MAPKAPK3: variants seen among roughly 807,000 people sequenced by gnomAD.
MAPKAPK3 encodes the protein MAP kinase-activated protein kinase 3.
MAPKAPK3 carries 35 observed loss-of-function variants against 49.2 expected under a neutral mutation model. The observed-to-expected ratio is 0.71, with a 90% CI of 0.54 to 0.94. The LOEUF (loss-of-function observed/expected upper bound fraction) is 0.94, where lower values mean the gene tolerates loss of function less well. MAPKAPK3 is among the 40% of genes least tolerant of loss of function. MAPKAPK3 has a pLI of 0.00. For missense variants in MAPKAPK3, 398 were observed against 493.1 expected (o/e 0.81, Z 1.83); for synonymous variants, 178 against 188.7 (o/e 0.94, Z 0.46).
chr3:50,645,613 C>T, intron 6 of MAPKAPK3, 97 bp from the exon 7 acceptor site: 1 of 907,998 alleles, frequency 1.1e-6, no homozygotes, highest in Non-Finnish European at 1.8e-6. Flanking sequence ...ACCTCCCAGC[C>T]CAGGTACCTG....
At chr3:50,641,851 G>T (rs1249939225) in intron 4 of MAPKAPK3, 80 bp downstream of exon 4, 1 of 1,207,508 alleles carries the variant, frequency 8.3e-7, no homozygotes, top group African/African-American at 1.5e-5. Flanking sequence ...TGCTAGGCAA[G>T]ACCCTGTTCC....
At chr3:50,629,606 G>A (rs1017270350) in intron 2 of MAPKAPK3, among the ~76,000 whole-genome samples, 1 of 152,198 alleles carries the variant, frequency 6.6e-6, no homozygotes, top group Admixed American at 6.5e-5. Context: ...GGGGAGTTGG[G>A]AATAGACCTG....
chr3:50,623,606 A>G (rs886610153), intron 2 of MAPKAPK3, among the ~76,000 whole-genome samples: 1 of 152,218 alleles, frequency 6.6e-6, no homozygotes, highest in East Asian at 1.9e-4. Flanking sequence ...GGCCCTGTCC[A>G]CAGTGCACAA....
In MAPKAPK3 at chr3:50,617,637, G is replaced by A. The variant is rs763591183; in HGVS notation, c.72G>A (p.Leu24=). Residue 24 remains leucine (L), a synonymous_variant, in exon 2 of 11, where the codon TTG becomes TTA. Coordinates refer to ENST00000621469, the MANE Select transcript of MAPKAPK3 (RefSeq NM_001243925.2). ...PPPVAPGGPG[L]GGAPGGRREP... ...CAGTTGCACCCGGCGGACCCGGCTT[G>A]GGCGGTGCTCCGGGGGGGCGGCGGG... is the stretch of plus-strand genomic sequence containing the variant. 6.2e-7 allele frequency: 1 copy of A among 1,609,366 alleles called. No homozygotes were observed. The highest frequency in any genetic ancestry group is 1.7e-5 in the Admixed American group (1 of 60,028).
intron 2 of MAPKAPK3, among the ~76,000 whole-genome samples, chr3:50,636,627 A>T (rs548248731): frequency 6.6e-6 from 1 of 152,230 alleles, no homozygotes; most frequent in Non-Finnish European, 1.5e-5. Flanking sequence ...TATGTCAATT[A>T]TACCTCAATA....
intron 2 of MAPKAPK3, among the ~76,000 whole-genome samples, chr3:50,630,863 T>A (rs1373233557): frequency 6.6e-6 from 1 of 152,234 alleles, no homozygotes; most frequent in East Asian, 1.9e-4. Flanking sequence ...CTGCTGATCC[T>A]TGTTGGGTTA....
chr3:50,641,685 C>T (rs770133992), intron 3 of MAPKAPK3, 22 bp from the exon 4 acceptor site: 14 of 1,608,324 alleles, frequency 8.7e-6, no homozygotes, highest in Non-Finnish European at 1.2e-5. Flanking sequence ...CCCCTCTCTG[C>T]TTATAGTCAC....
rs2032508212 is a variant in MAPKAPK3 at position 50,617,718 on chromosome 3, C to T, written c.153C>T (p.Gly51=). 1 of 1,613,538 alleles carries T rather than the reference C, an allele frequency of 6.2e-7. No homozygotes were observed. The highest frequency in any genetic ancestry group is 8.5e-7 in the Non-Finnish European group (1 of 1,180,006). The change falls in exon 2 of 11, where the codon GGC becomes GGT. Residue 51 remains glycine (G), a synonymous_variant. Transcript: ENST00000621469. ...ACCAGTTGTCCAAGCAGGTGCTGGG[C>T]CTGGGTGTGAACGGCAAAGTGCTGG... is the stretch of plus-strand genomic sequence containing the variant. The part of the protein sequence containing the change: ...DDYQLSKQVL[G]LGVNGKVLEC...
intron 2 of MAPKAPK3, among the ~76,000 whole-genome samples, chr3:50,629,085 G>A (rs1357568988): frequency 5.3e-5 from 8 of 152,032 alleles, no homozygotes; most frequent in South Asian, 2.1e-4. Context: ...CCCCAGGGTC[G>A]CTCCCCTAAG....
chr3:50,639,764 T>C (rs895774063), intron 2 of MAPKAPK3, among the ~76,000 whole-genome samples: 1 of 152,136 alleles, frequency 6.6e-6, no homozygotes, highest in Non-Finnish European at 1.5e-5. Flanking sequence ...TGCTGAGTCC[T>C]GTAGGGCAGA....
rs1289729603 is a variant in MAPKAPK3 at position 50,635,423 on chromosome 3, T to C, written c.220-4943T>C. On this transcript the variant is annotated intron_variant, in intron 2 of 10. Coordinates refer to ENST00000621469, the MANE Select transcript of MAPKAPK3 (RefSeq NM_001243925.2). ...AATTTAATCTTTTTTTTTTTTTTTT[T>C]TTTTTTTTTTTTGAGATGGAGTTTC... is the stretch of plus-strand genomic sequence containing the variant. 9.4e-5 allele frequency among the ~76,000 whole-genome samples: 13 copies of C among 138,340 alleles called. No homozygotes were observed. The East Asian group carries it at 2.8e-3, about 29-fold the overall frequency. 90.8% of individuals were successfully genotyped at this position (138,340 alleles called of 152,430 possible).
At chr3:50,615,331 G>A (rs2032437625), upstream of MAPKAPK3, among the ~76,000 whole-genome samples, 2 of 152,212 alleles carry the variant, frequency 1.3e-5, no homozygotes, top group Non-Finnish European at 2.9e-5. Context: ...GTGCACATGT[G>A]CATGTGTATC....
rs142259689 is a variant in MAPKAPK3 at position 50,634,701 on chromosome 3, G to A, written c.220-5665G>A. Among the ~76,000 whole-genome samples the A allele has an allele frequency of 6.6e-3, 998 of 152,222 alleles. 6 individuals carry two copies. Among genetic ancestry groups the A allele is most frequent in the African/African-American group, 0.022 (933 of 41,514 alleles). On this transcript the variant is annotated intron_variant, in intron 2 of 10. Coordinates refer to ENST00000621469, the MANE Select transcript of MAPKAPK3 (RefSeq NM_001243925.2). Reference sequence around the variant, plus strand: ...AGATGGGGTTTCACCATGTTGGCCAGGTTGGTCTCAAACTCCTGACCTCAG... The same window carrying A: ...AGATGGGGTTTCACCATGTTGGCCAAGTTGGTCTCAAACTCCTGACCTCAG...
chr3:50,626,653 G>T (rs2032753135), intron 2 of MAPKAPK3, among the ~76,000 whole-genome samples: 1 of 152,210 alleles, frequency 6.6e-6, no homozygotes, highest in Non-Finnish European at 1.5e-5. Context: ...GGGGCAGGGG[G>T]ATGGCAATAA....
intron 3 of MAPKAPK3, 67 bp downstream of exon 3, chr3:50,640,572 C>T (rs2033156780): frequency 6.7e-7 from 1 of 1,500,224 alleles, no homozygotes; most frequent in Non-Finnish European, 8.9e-7. Flanking sequence ...CCCTGCCACG[C>T]TTCTAGGGGC....
At chr3:50,624,870 T>C (rs1194196695) in intron 2 of MAPKAPK3, among the ~76,000 whole-genome samples, 1 of 152,226 alleles carries the variant, frequency 6.6e-6, no homozygotes, top group Admixed American at 6.5e-5. Context: ...AAGCGCTTCC[T>C]GGAGAGCTGG....
At chr3:50,624,473 G>T (rs2032686369) in intron 2 of MAPKAPK3, among the ~76,000 whole-genome samples, 1 of 152,204 alleles carries the variant, frequency 6.6e-6, no homozygotes, top group Non-Finnish European at 1.5e-5. Context: ...AGGACCAGAG[G>T]AATCTGTGGA....
intron 6 of MAPKAPK3, 24 bp from the exon 7 acceptor site, chr3:50,645,686 C>T (rs756112827): frequency 1.9e-6 from 3 of 1,606,746 alleles, no homozygotes; most frequent in South Asian, 2.2e-5. Context: ...GTCTGAGAGC[C>T]CTGCTGTCCC....
chr3:50,640,341 A>G lies in MAPKAPK3; in HGVS notation c.220-25A>G, dbSNP rs1371206592. 2.5e-6 allele frequency: 4 copies of G among 1,604,872 alleles called. No homozygotes were observed. In the Admixed American group the frequency reaches 5.1e-5, roughly 20 times the overall value. The stretch of plus-strand genomic sequence containing the variant: ...GATGGTAGAGGGCTCTGAGCCTGAC[A>G]CTTTCTATGTGCACCCACCTACAGC... On this transcript the variant is annotated intron_variant, in intron 2 of 10. Transcript: ENST00000621469.
Sources: gnomAD v4.1 joint callset for allele counts (sites outside exome capture counted in the v4.1 genomes callset) on GRCh38, gnomAD v4.1.1 for gene constraint, MANE v1.5 for transcripts, NCBI Gene and HGNC (gene_info 2026-07-23, HGNC 2026-07-21) for gene names.